The following ORC4 variants were observed in gnomAD, a reference collection of about 807,000 sequenced individuals.
The protein encoded by ORC4 is origin recognition complex, subunit 4 homolog.
A neutral mutation model predicts 63.9 loss-of-function variants in ORC4; 55 were observed. That is an observed-to-expected ratio of 0.86 (90% confidence interval 0.69 to 1.08). ORC4 has a LOEUF of 1.08. Among genes scored for constraint, ORC4 ranks in the 50% least tolerant of loss-of-function variants. ORC4 has a pLI of 0.00. For missense variants in ORC4, 511 were observed against 504.4 expected (o/e 1.01, Z -0.13); for synonymous variants, 150 against 168.5 (o/e 0.89, Z 0.85).
intron 9 of ORC4, among the ~76,000 whole-genome samples, chr2:147,947,153 G>A (rs560669104): frequency 3.4e-4 from 52 of 151,930 alleles, no homozygotes; most frequent in African/African-American, 1.2e-3. Flanking sequence ...TTTTTATAGA[G>A]TCAGTGAATA....
At chr2:147,940,980 A>G (rs1688335186) in intron 10 of ORC4, among the ~76,000 whole-genome samples, 1 of 152,160 alleles carries the variant, frequency 6.6e-6, no homozygotes, top group Non-Finnish European at 1.5e-5. Flanking sequence ...GTATGTCTAT[A>G]CTATTAGGTT....
chr2:147,940,983 A>G (rs1171628054), intron 10 of ORC4, among the ~76,000 whole-genome samples: 1 of 152,158 alleles, frequency 6.6e-6, no homozygotes, highest in Non-Finnish European at 1.5e-5. Context: ...TGTCTATACT[A>G]TTAGGTTGGT....
chr2:147,942,089 T>C (rs1289363818), intron 10 of ORC4, among the ~76,000 whole-genome samples: 2 of 152,062 alleles, frequency 1.3e-5, no homozygotes, highest in Non-Finnish European at 2.9e-5. Context: ...CCTCAATTTC[T>C]TTAGGGGTAA....
chr2:147,978,265 G>A (rs1690679094), intron 1 of ORC4, among the ~76,000 whole-genome samples: 1 of 152,196 alleles, frequency 6.6e-6, no homozygotes, highest in Non-Finnish European at 1.5e-5. Flanking sequence ...GAGGATTTCT[G>A]TGCAGGATTT....
intron 10 of ORC4, among the ~76,000 whole-genome samples, chr2:147,941,828 G>A (rs908922211): frequency 6.6e-6 from 1 of 151,756 alleles, no homozygotes; most frequent in Non-Finnish European, 1.5e-5. Context: ...AAAATTACTA[G>A]TCCCCAAATT....
intron 1 of ORC4, among the ~76,000 whole-genome samples, chr2:148,013,456 G>A (rs528392764): frequency 6.6e-6 from 1 of 152,266 alleles, no homozygotes; most frequent in East Asian, 1.9e-4. Flanking sequence ...AGAGGAGATG[G>A]TTAATGGGTA....
chr2:147,955,820 C>CT (rs1474659739), intron 6 of ORC4, among the ~76,000 whole-genome samples: 19 of 151,936 alleles, frequency 1.3e-4, no homozygotes, highest in Admixed American at 7.9e-4. Context: ...TTGCAAGTCT[C>CT]TAATTTGTAC....
At chr2:147,970,374 A>C (rs2105343661) in intron 4 of ORC4, among the ~76,000 whole-genome samples, 1 of 152,318 alleles carries the variant, frequency 6.6e-6, no homozygotes, top group Non-Finnish European at 1.5e-5. Context: ...AAGTATGCAG[A>C]CAGCCAACAC....
At position 147,935,198 on chromosome 2, in the gene ORC4, A is replaced by C; in HGVS notation, c.*312T>G. The stretch of plus-strand genomic sequence containing the variant: ...AGGTTTGTAAAGACATCTAGCTGTT[A>C]GGTTGAAGTGAGCTCTTCAAATAGA... On this transcript the variant is annotated 3_prime_UTR_variant, in exon 14 of 14. Transcript: ENST00000392857. 1 of 306,222 alleles carries C rather than the reference A, an allele frequency of 3.3e-6. No individual in the cohort carries two copies. Among genetic ancestry groups the C allele is most frequent in the South Asian group, 4.0e-5 (1 of 25,012 alleles). 19.0% of individuals were successfully genotyped at this position (306,222 alleles called of 1,614,324 possible).
At position 147,938,159 on chromosome 2, in the gene ORC4, G is replaced by C. The variant is rs749603608; in HGVS notation, c.1109C>G (p.Pro370Arg). The stretch of plus-strand genomic sequence containing the variant: ...ACTAAATCTTACCTTCATGACAACA[G>C]GTTTTTCAAAATTATAAACGGAATG... Reference protein sequence around the residue: ...KAHSVYNFEKPVVMKAFEHLQ... With the variant: ...KAHSVYNFEKRVVMKAFEHLQ... Residue 370 changes from proline (P) to arginine (R), a missense_variant, in exon 13 of 14, where the codon CCT becomes CGT. Physicochemically the swap from Pro to Arg is moderately radical, Grantham distance 103. Transcript: ENST00000392857. The C allele has an allele frequency of 2.5e-6, 4 of 1,610,154 alleles. No individual in the cohort carries two copies. Among genetic ancestry groups the C allele is most frequent in the African/African-American group, 1.3e-5 (1 of 74,906 alleles).
chr2:147,936,449 C>T (rs1014940816), intron 13 of ORC4: 5 of 151,788 alleles, frequency 3.3e-5, no homozygotes, highest in African/African-American at 1.2e-4. Flanking sequence ...TCATGATATA[C>T]TAACCATTAA....
At chr2:147,972,407 C>T (rs1690268582) in intron 4 of ORC4, among the ~76,000 whole-genome samples, 1 of 152,002 alleles carries the variant, frequency 6.6e-6, no homozygotes, top group African/African-American at 2.4e-5. Flanking sequence ...AGTACATGCT[C>T]AATACATGCT....
intron 1 of ORC4, among the ~76,000 whole-genome samples, chr2:148,004,677 A>G (rs1190859619): frequency 6.6e-6 from 1 of 152,202 alleles, no homozygotes; most frequent in Non-Finnish European, 1.5e-5. Flanking sequence ...AACCTAGGCA[A>G]TATCATTCAG....
intron 1 of ORC4, among the ~76,000 whole-genome samples, chr2:147,977,947 C>T (rs1690662843): frequency 6.6e-6 from 1 of 152,242 alleles, no homozygotes; most frequent in East Asian, 1.9e-4. Flanking sequence ...GGTCTTCAGG[C>T]CTAAGGTGTC....
upstream of ORC4, chr2:148,021,451 T>TTGCTGC (rs201395673): frequency 1.8e-6 from 1 of 567,434 alleles, no homozygotes; most frequent in Non-Finnish European, 3.4e-6. Flanking sequence ...CACAGACCCT[T>TTGCTGC]TGCTGCTGCT....
chr2:147,973,566 A>G, intron 2 of ORC4, 42 bp from the exon 3 acceptor site: 1 of 1,072,516 alleles, frequency 9.3e-7, no homozygotes, highest in Non-Finnish European at 1.4e-6. Flanking sequence ...AAAATATTAC[A>G]CATGATATAA....
chr2:148,002,347 G>A (rs139651456), intron 1 of ORC4, among the ~76,000 whole-genome samples: 520 of 152,130 alleles, frequency 3.4e-3, no homozygotes, highest in East Asian at 8.3e-3. Context: ...TTCTAAAATT[G>A]ACCACATAAT....
chr2:148,019,865 T>C (rs1182679341), intron 1 of ORC4, among the ~76,000 whole-genome samples: 5 of 152,070 alleles, frequency 3.3e-5, no homozygotes, highest in Admixed American at 2.6e-4. Flanking sequence ...ATGATAGAAA[T>C]TCATTATTTT....
At chr2:147,948,283 A>T in intron 8 of ORC4, 59 bp from the exon 9 acceptor site, 1 of 1,157,014 alleles carries the variant, frequency 8.6e-7, no homozygotes, top group South Asian at 1.3e-5. Context: ...AAACAAAAAC[A>T]CTGTACCAAT....
Sources: allele counts gnomAD v4.1 joint callset (sites outside exome capture counted in the v4.1 genomes callset), GRCh38; gene constraint gnomAD v4.1.1; transcripts MANE v1.5; gene names NCBI Gene and HGNC (gene_info 2026-07-23, HGNC 2026-07-21).